Variants in REXO4 observed in about 807,000 individuals in gnomAD.
The protein encoded by REXO4 is RNA exonuclease 4, also known as REX4 homolog, 3'-5' exonuclease.
Under a neutral mutation model 39.9 loss-of-function variants are expected in REXO4, and 29 were observed. The ratio of observed to expected loss-of-function variants is 0.73; its 90% CI spans 0.54 to 0.99. The LOEUF (loss-of-function observed/expected upper bound fraction) is 0.99. Ranked by LOEUF, REXO4 falls within the 50% of genes least tolerant of loss-of-function variation. The probability of loss-of-function intolerance (pLI) is 0.00; values close to 1 mark genes in which losing one functional copy is unlikely to be tolerated. For missense variants in REXO4, 524 were observed against 546.5 expected (o/e 0.96, Z 0.41); for synonymous variants, 184 against 206.2 (o/e 0.89, Z 0.92).
intron 7 of REXO4, among the ~76,000 whole-genome samples, chr9:133,407,392 CAG>C (rs1034688171): frequency 1.3e-5 from 2 of 152,078 alleles, no homozygotes; most frequent in Non-Finnish European, 2.9e-5. Flanking sequence ...GTGCTGGGCA[CAG>C]GGGCACAAGG....
In REXO4 at chr9:133,417,601, G is replaced by A. The variant is rs1345622961; in HGVS notation, c.225+19C>T. The stretch of plus-strand genomic sequence containing the variant: ...GAATGAGCTGCGCAGCGCTCCGCCC[G>A]GGCCCCCTCAAGCCTCACCTCTTGC... On this transcript the variant is annotated intron_variant, in intron 1 of 7. Transcript: ENST00000371942. 1 of 1,610,250 alleles carries A rather than the reference G, an allele frequency of 6.2e-7. No individual in the cohort carries two copies. The highest frequency in any genetic ancestry group is 2.2e-5 in the East Asian group (1 of 44,856).
intron 5 of REXO4, among the ~76,000 whole-genome samples, chr9:133,410,388 G>C (rs782605551): frequency 3.3e-5 from 5 of 152,158 alleles, no homozygotes; most frequent in Non-Finnish European, 7.3e-5. Context: ...TTCCTGCCTC[G>C]GGTGACCAGG....
In REXO4 at chr9:133,412,470, C is replaced by A; in HGVS notation, c.739G>T (p.Asp247Tyr). Residue 247 changes from aspartate (D) to tyrosine (Y), a missense_variant, in exon 4 of 8, where the codon GAC becomes TAC. Coordinates refer to ENST00000371942, the MANE Select transcript of REXO4 (RefSeq NM_020385.4). ...FGGLTRALAL[D>Y]CEMVGVGPKG... The stretch of plus-strand genomic sequence containing the variant: ...GGGCCCACGCCCACCATCTCACAGT[C>A]CAAGGCTAAGGCTCTTGTCAGGCTG... 6.2e-7 allele frequency: 1 copy of A among 1,614,092 alleles called. No homozygotes were observed. The highest frequency in any genetic ancestry group is 2.2e-5 in the East Asian group (1 of 44,878).
chr9:133,406,916 T>C lies in REXO4; in HGVS notation c.*37A>G, dbSNP rs1247458256. ...TGTCCCTGTGACTGGTCACATTGCC[T>C]CTGTAGCGGGGCGGCAGCAGCAGCA... On this transcript the variant is annotated 3_prime_UTR_variant, in exon 8 of 8. Coordinates refer to ENST00000371942, the MANE Select transcript of REXO4 (RefSeq NM_020385.4). The C allele has an allele frequency of 1.9e-6, 3 of 1,605,718 alleles. No homozygotes were observed. The highest frequency in any genetic ancestry group is 2.5e-6 in the Non-Finnish European group (3 of 1,179,848).
Position 133,407,066 on chromosome 9 carries a change from C to T in REXO4, c.1156G>A (p.Asp386Asn), listed in dbSNP as rs1311362106. 5 of 1,612,924 alleles carry T rather than the reference C, an allele frequency of 3.1e-6. No individual in the cohort carries two copies. Among genetic ancestry groups the T allele is most frequent in the African/African-American group, 1.3e-5 (1 of 74,920 alleles). ...VQQAEHCSIQ[D>N]AQAAMRLYVM... ...TACAGCCTCATTGCTGCCTGGGCAT[C>T]CTGAATCTAGACGACATGAAACATC... The change falls in exon 8 of 8, where the codon GAT becomes AAT. Residue 386 changes from aspartate to asparagine, a missense_variant. Coordinates refer to ENST00000371942, the MANE Select transcript of REXO4 (RefSeq NM_020385.4).
chr9:133,416,751 T>G (rs1021650443), intron 1 of REXO4, among the ~76,000 whole-genome samples: 1 of 152,218 alleles, frequency 6.6e-6, no homozygotes, highest in Non-Finnish European at 1.5e-5. Flanking sequence ...CAATCTTAGA[T>G]GATCTATTTA....
intron 2 of REXO4, 45 bp from the exon 3 acceptor site, chr9:133,412,966 C>G (rs1554780616): frequency 1.9e-6 from 3 of 1,600,530 alleles, no homozygotes; most frequent in Non-Finnish European, 2.6e-6. Context: ...GACCCTAGTG[C>G]AACTGGTGGG....
In REXO4 at chr9:133,406,588, C is replaced by A. The variant is rs1838886985; in HGVS notation, c.*365G>T. 1.1e-5 allele frequency: 3 copies of A among 275,254 alleles called. No individual in the cohort carries two copies. The highest frequency in any genetic ancestry group is 1.4e-5 in the Non-Finnish European group (2 of 138,586). The allele number at this position is 275,254 out of a possible 1,614,324, so 17.1% of individuals were successfully genotyped here. On this transcript the variant is annotated 3_prime_UTR_variant, in exon 8 of 8. Coordinates refer to ENST00000371942, the MANE Select transcript of REXO4 (RefSeq NM_020385.4). ...GGCTCCTCGAGAGGAAGGTGCTGAG[C>A]ACCTCACCCCAGGGTGTCACCGAAG...
At chr9:133,408,983 T>A (rs1839074328) in intron 5 of REXO4, 141 bp from the exon 6 acceptor site, 2 of 472,748 alleles carry the variant, frequency 4.2e-6, no homozygotes, top group African/African-American at 2.3e-5. Context: ...TGTGTGTGTG[T>A]GTGACGGAGT....
Position 133,414,935 on chromosome 9 carries a change from T to C in REXO4, c.302A>G (p.Lys101Arg). 6.2e-7 allele frequency: 1 copy of C among 1,613,710 alleles called. No individual in the cohort carries two copies. The highest frequency in any genetic ancestry group is 1.3e-5 in the African/African-American group (1 of 74,914). The change falls in exon 2 of 8, where the codon AAA becomes AGA. Residue 101 changes from lysine to arginine, a missense_variant. Physicochemically the swap from Lys to Arg is conservative, Grantham distance 26. Coordinates refer to ENST00000371942, the MANE Select transcript of REXO4 (RefSeq NM_020385.4). ...ISQMGSKKKP[K>R]IIQQNKKETS... ...CTCTTTTTTGTTTTGCTGGATAATT[T>C]TGGGCTTCTTTTTGGAACCCATCTG...
intron 7 of REXO4, 39 bp downstream of exon 7, chr9:133,407,768 G>A (rs374347457): frequency 2.0e-5 from 31 of 1,573,476 alleles, no homozygotes; most frequent in East Asian, 4.6e-5. Flanking sequence ...GTGGGAAACC[G>A]CCCCAAACCC....
At chr9:133,410,264 G>A (rs28551042) in intron 5 of REXO4, among the ~76,000 whole-genome samples, 11,493 of 152,130 alleles carry the variant, frequency 0.076, 667 homozygotes, top group African/African-American at 0.16. Context: ...TGGCCTCCCC[G>A]CTGTTCCCAC....
chr9:133,413,567 A>G (rs115793108), intron 2 of REXO4, among the ~76,000 whole-genome samples: 1,862 of 152,316 alleles, frequency 0.012, 25 homozygotes, highest in African/African-American at 0.035. Context: ...ACACTTAGGA[A>G]ACAGACAGAC....
chr9:133,417,978 G>A lies in REXO4; in HGVS notation c.-134C>T, dbSNP rs1231357323. On this transcript the variant is annotated 5_prime_UTR_variant, in exon 1 of 8. Coordinates refer to ENST00000371942, the MANE Select transcript of REXO4 (RefSeq NM_020385.4). ...ACCGCAGGGACCCCGTCCAGGAAAA[G>A]ACTCCGGAAGAGACCCCGCACGCGT... The A allele has an allele frequency of 1.6e-5, 13 of 790,326 alleles. No homozygotes were observed. The highest frequency in any genetic ancestry group is 7.2e-5 in the South Asian group (4 of 55,290). The allele number at this position is 790,326 out of a possible 1,614,324, so 49.0% of individuals were successfully genotyped here.
At chr9:133,408,934 TTGTGTGTGTGTGTGTGTGTGTGTGTGTG>T (rs71503345) in intron 5 of REXO4, 92 bp from the exon 6 acceptor site, 342 of 322,014 alleles carry the variant, frequency 1.1e-3, no homozygotes, top group South Asian at 3.0e-3. Context: ...AGTAACATCT[TTGTGTGTGTGTGTGTGTGTGTGTGTGTG>T]TGTGTGTGTG....
At chr9:133,416,991 G>A (rs1272733294) in intron 1 of REXO4, among the ~76,000 whole-genome samples, 3 of 152,168 alleles carry the variant, frequency 2.0e-5, no homozygotes, top group African/African-American at 7.2e-5. Flanking sequence ...TCCCTGTCTT[G>A]CTACACAGAC....
chr9:133,407,005 C>G lies in REXO4; in HGVS notation c.1217G>C (p.Arg406Pro). The G allele has an allele frequency of 6.2e-7, 1 of 1,613,192 alleles. No homozygotes were observed. The highest frequency in any genetic ancestry group is 8.5e-7 in the Non-Finnish European group (1 of 1,180,012). ...MVKKEWESMA[R>P]DRRPLLTAPD... ...AGCAGTCAGCAGGGGGCGCCTGTCTCGGGCCATGCTCTCCCACTCCTTCTT... is the reference window on the plus strand; with the variant it reads ...AGCAGTCAGCAGGGGGCGCCTGTCTGGGGCCATGCTCTCCCACTCCTTCTT... The change falls in exon 8 of 8, where the codon CGA (arginine) becomes CCA (proline). Residue 406 changes from arginine (R) to proline (P), a missense_variant. Arg to Pro is a moderately radical substitution (Grantham distance 103). Coordinates refer to ENST00000371942, the MANE Select transcript of REXO4 (RefSeq NM_020385.4).
intron 6 of REXO4, 63 bp from the exon 7 acceptor site, chr9:133,407,944 C>T: frequency 7.4e-7 from 1 of 1,343,330 alleles, no homozygotes; most frequent in Non-Finnish European, 1.1e-6. Context: ...GGTCACCCCA[C>T]CAAGCAGGGA....
chr9:133,412,523 A>G, intron 3 of REXO4, 31 bp from the exon 4 acceptor site: 1 of 1,610,768 alleles, frequency 6.2e-7, no homozygotes, highest in Non-Finnish European at 8.5e-7. Flanking sequence ...GTAGTTTAAT[A>G]AACACGGCAG....
Sources: allele counts gnomAD v4.1 joint callset (sites outside exome capture counted in the v4.1 genomes callset), GRCh38; gene constraint gnomAD v4.1.1; transcripts MANE v1.5; gene names NCBI Gene and HGNC (gene_info 2026-07-23, HGNC 2026-07-21).